The following AP4E1 variants were observed in gnomAD, a reference collection of about 807,000 sequenced individuals.
The protein encoded by AP4E1 is adaptor related protein complex 4 subunit epsilon 1, also known as AP-4 complex subunit epsilon-1.
A neutral mutation model predicts 128.2 loss-of-function variants in AP4E1; 56 were observed. That is an observed-to-expected ratio of 0.44 (90% CI 0.35 to 0.55). The LOEUF is 0.55. Among genes scored for constraint, AP4E1 ranks in the 20% least tolerant of loss-of-function variants. The pLI, the probability that AP4E1 is intolerant of heterozygous loss-of-function variation, is 0.00. For missense variants in AP4E1, 1,324 were observed against 1,307.7 expected, an observed-to-expected ratio of 1.01 and a Z score of -0.19; for synonymous variants, 484 against 473.1, an observed-to-expected ratio of 1.02 and a Z score of -0.30.
At chr15:50,927,584 A>G (rs1175026560) in intron 5 of AP4E1, among the ~76,000 whole-genome samples, 1 of 151,168 alleles carries the variant, frequency 6.6e-6, no homozygotes, top group Non-Finnish European at 1.5e-5. Context: ...TTAACACGCA[A>G]TGGCAATACA....
chr15:50,970,626 C>G (rs2064465805), intron 15 of AP4E1, among the ~76,000 whole-genome samples: 2 of 152,014 alleles, frequency 1.3e-5, no homozygotes, highest in Non-Finnish European at 2.9e-5. Context: ...TTCTTTGTCT[C>G]CTTTTACAGC....
At chr15:50,951,448 C>T (rs2064148701) in intron 13 of AP4E1, among the ~76,000 whole-genome samples, 1 of 152,120 alleles carries the variant, frequency 6.6e-6, no homozygotes, top group Non-Finnish European at 1.5e-5. Flanking sequence ...ACAGAGGTCA[C>T]AATTTTGTGT....
chr15:50,946,363 A>G (rs1297189755), intron 10 of AP4E1, among the ~76,000 whole-genome samples: 1 of 152,198 alleles, frequency 6.6e-6, no homozygotes, highest in Non-Finnish European at 1.5e-5. Context: ...TTTGAATAAT[A>G]ATTACAATGA....
chr15:50,999,262 G>A lies in AP4E1; in HGVS notation c.3095G>A (p.Arg1032Lys). 6.2e-7 allele frequency: 1 copy of A among 1,607,996 alleles called. No individual in the cohort carries two copies. The highest frequency in any genetic ancestry group is 8.5e-7 in the Non-Finnish European group (1 of 1,176,716). ...AACTTATCACTATTAGATTTCATTA[G>A]GTAAATGTTTTGTGAAATGTTAATT... ...SVNLSLLDFIRPLKISSDDFG... is the reference protein window; with the variant it reads ...SVNLSLLDFIKPLKISSDDFG... Residue 1032 changes from arginine (R) to lysine (K), a missense_variant and splice_region_variant, in exon 19 of 21, where the codon AGA becomes AAA. Transcript: ENST00000261842.
intron 14 of AP4E1, 102 bp downstream of exon 14, chr15:50,958,896 G>A (rs2064271437): frequency 7.8e-7 from 1 of 1,274,218 alleles, no homozygotes; most frequent in Non-Finnish European, 1.1e-6. Context: ...TGTGGTTTCT[G>A]TAGCATTTAA....
At chr15:50,925,850 C>G (rs2063763445) in intron 5 of AP4E1, among the ~76,000 whole-genome samples, 1 of 150,952 alleles carries the variant, frequency 6.6e-6, no homozygotes, top group Non-Finnish European at 1.5e-5. Context: ...GTCTCGAACT[C>G]CTGACCTCAG....
intron 14 of AP4E1, among the ~76,000 whole-genome samples, chr15:50,963,667 A>G (rs146703675): frequency 6.6e-6 from 1 of 152,334 alleles, no homozygotes; most frequent in East Asian, 1.9e-4. Flanking sequence ...GACTATAGTT[A>G]GTAATAATTG....
chr15:50,908,822 T>C lies in AP4E1; in HGVS notation c.44T>C (p.Leu15Pro), dbSNP rs774920356. 1 of 1,606,206 alleles carries C rather than the reference T, an allele frequency of 6.2e-7. No individual in the cohort carries two copies. The highest frequency in any genetic ancestry group is 1.7e-5 in the Admixed American group (1 of 59,214). Residue 15 changes from leucine (L) to proline (P), a missense_variant, in exon 1 of 21, where the codon CTC becomes CCC. By Grantham distance (98) the Leu-to-Pro change is moderately conservative (BLOSUM62 -3). Coordinates refer to ENST00000261842, the MANE Select transcript of AP4E1 (RefSeq NM_007347.5). ...AAGACGCTGACGGCGCTGCCGGGAC[T>C]CTTTCTGCAGAACCAGCCCGGTGGT... ...VEKTLTALPG[L>P]FLQNQPGGGP... is the part of the protein sequence containing the mutation.
chr15:50,927,004 T>C (rs948189469), intron 5 of AP4E1, among the ~76,000 whole-genome samples: 1 of 152,236 alleles, frequency 6.6e-6, no homozygotes, highest in East Asian at 1.9e-4. Context: ...GTATTGTATA[T>C]CATATCTGTG....
At chr15:50,948,183 G>C in intron 11 of AP4E1, 24 bp downstream of exon 11, 1 of 1,613,118 alleles carries the variant, frequency 6.2e-7, no homozygotes, top group Admixed American at 1.7e-5. Context: ...TCGACCATGA[G>C]TCTTAAAATA....
chr15:50,945,749 T>G lies in AP4E1; in HGVS notation c.1177-2271T>G, dbSNP rs773356753. 39 of 769,632 alleles carry G rather than the reference T, an allele frequency of 5.1e-5. 1 individual carries two copies. Among genetic ancestry groups the G allele is most frequent in the Middle Eastern group, 5.2e-4 (2 of 3,824 alleles). The allele number at this position is 769,632 out of a possible 1,614,324, so 47.7% of individuals were successfully genotyped here. A position where few individuals can be genotyped will look rare whatever the true frequency, so the allele number is the denominator to read the frequency against. On this transcript the variant is annotated intron_variant, in intron 10 of 20. Coordinates refer to ENST00000261842, the MANE Select transcript of AP4E1 (RefSeq NM_007347.5). ...AATGCTTCTGAAAAATTTGGTGTGC[T>G]TACATCATGAGAAAAAGCAGCTAAG...
chr15:50,924,887 G>A (rs1287769880), intron 4 of AP4E1, among the ~76,000 whole-genome samples: 1 of 151,968 alleles, frequency 6.6e-6, no homozygotes, highest in Non-Finnish European at 1.5e-5. Context: ...TCTTCTATCA[G>A]TTGCTTTTTG....
In AP4E1 at chr15:51,003,039, A is replaced by T. The variant is rs2064983187; in HGVS notation, c.*377A>T. On this transcript the variant is annotated 3_prime_UTR_variant, in exon 21 of 21. Transcript: ENST00000261842. ...AGCCAAGTCTCAGTTTTCTGCATTA[A>T]ATGGAAGGGAGACATGAAATTGATA... is the stretch of plus-strand genomic sequence containing the variant. 4.6e-6 allele frequency: 1 copy of T among 217,112 alleles called. No homozygotes were observed. 13.4% of individuals were successfully genotyped at this position (217,112 alleles called of 1,614,324 possible).
intron 1 of AP4E1, among the ~76,000 whole-genome samples, chr15:50,911,773 C>T (rs149412421): frequency 1.2e-4 from 19 of 152,100 alleles, no homozygotes; most frequent in African/African-American, 3.9e-4. Context: ...CTGTTGTGCC[C>T]GGCTTCCACC....
Position 50,997,563 on chromosome 15 carries a change from C to T in AP4E1, c.2584C>T (p.Pro862Ser), listed in dbSNP as rs1203091537. The T allele has an allele frequency of 6.2e-7, 1 of 1,614,034 alleles. No homozygotes were observed. The highest frequency in any genetic ancestry group is 8.5e-7 in the Non-Finnish European group (1 of 1,179,972). Residue 862 changes from proline to serine, a missense_variant, in exon 18 of 21, where the codon CCC becomes TCC. By Grantham distance (74) the Pro-to-Ser change is moderately conservative. Transcript: ENST00000261842. ...GGATTCTGAGTCACTCACAGAACTG[C>T]CCTTGGTTGAGAAATTCTCATATTG... is the stretch of plus-strand genomic sequence containing the variant. ...LLDSESLTELPLVEKFSYCSL... is the reference protein window; with the variant it reads ...LLDSESLTELSLVEKFSYCSL...
chr15:50,948,052 A>C lies in AP4E1; in HGVS notation c.1209A>C (p.Ala403=), dbSNP rs560609629. ...AACTTCTTTACAGAATTACTAATGC[A>C]CAGAATATAACAGTTATTGTCCAGA... The part of the protein sequence containing the change: ...TLELLYRITN[A]QNITVIVQKM... Residue 403 remains alanine (A), a synonymous_variant, in exon 11 of 21, where the codon GCA becomes GCC. Coordinates refer to ENST00000261842, the MANE Select transcript of AP4E1 (RefSeq NM_007347.5). The C allele has an allele frequency of 6.2e-7, 1 of 1,609,410 alleles. No homozygotes were observed. The highest frequency in any genetic ancestry group is 1.1e-5 in the South Asian group (1 of 90,998).
At chr15:50,937,611 G>A (rs7165920) in intron 8 of AP4E1, among the ~76,000 whole-genome samples, 20,483 of 152,220 alleles carry the variant, frequency 0.13, 1,515 homozygotes, top group South Asian at 0.19. Flanking sequence ...AGTATTGTAG[G>A]AGTTCCGAGG....
At chr15:50,935,604 G>A (rs1433170182) in intron 8 of AP4E1, among the ~76,000 whole-genome samples, 1 of 152,142 alleles carries the variant, frequency 6.6e-6, no homozygotes, top group Non-Finnish European at 1.5e-5. Context: ...CAGTAGAAGA[G>A]GCACTGAGAG....
Position 50,948,158 on chromosome 15 carries a change from A to G in AP4E1, c.1315A>G (p.Lys439Glu). ...CGGCAAAATAGCAGAGCTGGCTGAG[A>G]AATATCCTTTTATTTCGACCATGAG... ...LVGKIAELAE[K>E]YAPDNAWFIQ... The change falls in exon 11 of 21, where the codon AAA (lysine) becomes GAA (glutamate). Residue 439 changes from lysine to glutamate, a missense_variant and splice_region_variant. Physicochemically the swap from Lys to Glu is moderately conservative, Grantham distance 56 (BLOSUM62 1). Transcript: ENST00000261842. 6.2e-7 allele frequency: 1 copy of G among 1,613,830 alleles called. No homozygotes were observed. The highest frequency in any genetic ancestry group is 1.1e-5 in the South Asian group (1 of 91,074).
Sources: allele counts gnomAD v4.1 joint callset (sites outside exome capture counted in the v4.1 genomes callset), GRCh38; gene constraint gnomAD v4.1.1; transcripts MANE v1.5; gene names NCBI Gene and HGNC (gene_info 2026-07-23, HGNC 2026-07-21).